Variants in TTC28 observed in about 807,000 individuals in gnomAD.
TTC28 encodes tetratricopeptide repeat domain 28.
Under a neutral mutation model 198.0 loss-of-function variants are expected in TTC28, and 61 were observed. That is an observed-to-expected ratio of 0.31 (90% confidence interval 0.25 to 0.38). The LOEUF (loss-of-function observed/expected upper bound fraction) is 0.38. TTC28 is among the 10% of genes least tolerant of loss of function. The probability of loss-of-function intolerance (pLI) is 1.00; values close to 1 mark genes in which losing one functional copy is unlikely to be tolerated. For missense variants in TTC28, 2,678 were observed against 3,164.0 expected, an observed-to-expected ratio of 0.85 and a Z score of 3.69; for synonymous variants, 1,171 against 1,297.8, an observed-to-expected ratio of 0.90 and a Z score of 2.10.
chr22:28,007,543 C>T (rs1569080321), intron 14 of TTC28: 1 of 152,188 alleles, frequency 6.6e-6, no homozygotes, highest in Admixed American at 6.5e-5. Context: ...CAACTTCAGC[C>T]AAATCAGCTT....
chr22:28,196,527 G>A (rs532052837), intron 5 of TTC28, among the ~76,000 whole-genome samples: 26 of 152,158 alleles, frequency 1.7e-4, no homozygotes, highest in African/African-American at 5.8e-4. Context: ...GAAAATTTTT[G>A]CAATCTACTC....
intron 5 of TTC28, among the ~76,000 whole-genome samples, chr22:28,274,991 AAAAAAAAAAGAG>A (rs1410293089): frequency 6.6e-6 from 1 of 150,830 alleles, no homozygotes; most frequent in African/African-American, 2.4e-5. Flanking sequence ...AAAAAAAAAA[AAAAAAAAAAGAG>A]AGAGAGAGAG....
At chr22:28,082,963 T>G (rs1423862658) in intron 12 of TTC28, among the ~76,000 whole-genome samples, 1 of 152,174 alleles carries the variant, frequency 6.6e-6, no homozygotes, top group Non-Finnish European at 1.5e-5. Context: ...TCTTCATGAT[T>G]CAGTCTTGGT....
At chr22:28,413,476 G>T (rs1157491023) in intron 2 of TTC28, among the ~76,000 whole-genome samples, 3 of 151,872 alleles carry the variant, frequency 2.0e-5, no homozygotes, top group African/African-American at 7.3e-5. Context: ...AATGTCAACT[G>T]TATTTTATTT....
chr22:28,019,929 C>A (rs1938524199), intron 13 of TTC28, among the ~76,000 whole-genome samples: 1 of 152,236 alleles, frequency 6.6e-6, no homozygotes, highest in Non-Finnish European at 1.5e-5. Flanking sequence ...ACACATGCAC[C>A]CCTCTGCCGG....
rs76468648 is a variant in TTC28, at chr22:28,655,859, GAA to G, written c.102+23761_102+23762del. 1.3e-4 allele frequency among the ~76,000 whole-genome samples: 15 copies of G among 114,984 alleles called. No individual in the cohort carries two copies. In the East Asian group the frequency reaches 1.5e-3, roughly 11 times the overall value. The allele number at this position is 114,984 out of a possible 152,430, so 75.4% of individuals were successfully genotyped here. On this transcript the variant is annotated intron_variant, in intron 1 of 22. Coordinates refer to ENST00000397906, the MANE Select transcript of TTC28 (RefSeq NM_001145418.2). ...GAGCAAGACTCCGTCTCAAAAAAAA[GAA>G]AAAAAAAAAAAAACTTCCCCCACCC...
intron 2 of TTC28, among the ~76,000 whole-genome samples, chr22:28,320,079 T>C (rs961973901): frequency 3.3e-5 from 5 of 152,172 alleles, no homozygotes; most frequent in African/African-American, 9.6e-5. Flanking sequence ...CCATTCTCTC[T>C]GCTACTACTA....
intron 5 of TTC28, among the ~76,000 whole-genome samples, chr22:28,173,114 C>T (rs1922839357): frequency 6.6e-6 from 1 of 152,146 alleles, no homozygotes; most frequent in African/African-American, 2.4e-5. Flanking sequence ...ATCATTATGA[C>T]CAAACACCTA....
At chr22:28,123,053 C>T (rs1026723494) in intron 6 of TTC28, among the ~76,000 whole-genome samples, 3 of 152,136 alleles carry the variant, frequency 2.0e-5, no homozygotes, top group Admixed American at 6.5e-5. Context: ...GAAGGGCAGC[C>T]AACGGGAAGA....
intron 5 of TTC28, among the ~76,000 whole-genome samples, chr22:28,165,652 C>G (rs1440655227): frequency 5.9e-5 from 9 of 152,168 alleles, no homozygotes; most frequent in Non-Finnish European, 1.3e-4. Flanking sequence ...ACCACCAGGC[C>G]TGCCCTAAAA....
chr22:28,188,210 G>A (rs765835396), intron 5 of TTC28, among the ~76,000 whole-genome samples: 1 of 151,994 alleles, frequency 6.6e-6, no homozygotes, highest in Non-Finnish European at 1.5e-5. Context: ...TGATAAAAAA[G>A]GTTTTAAGGC....
At chr22:28,520,183 A>C (rs1188082200) in intron 2 of TTC28, among the ~76,000 whole-genome samples, 10 of 152,214 alleles carry the variant, frequency 6.6e-5, no homozygotes, top group Admixed American at 6.5e-4. Flanking sequence ...AGAAGACAGA[A>C]GGCAATAGTC....
chr22:28,540,176 GAC>G (rs1477345692), intron 2 of TTC28, among the ~76,000 whole-genome samples: 1 of 152,002 alleles, frequency 6.6e-6, no homozygotes, highest in Non-Finnish European at 1.5e-5. Context: ...TCTATCTCCT[GAC>G]CTCATGATCC....
rs566681451 is a variant in TTC28 at position 28,386,967 on chromosome 22, A to G, written c.382-80324T>C. On this transcript the variant is annotated intron_variant, in intron 2 of 22. Coordinates refer to ENST00000397906, the MANE Select transcript of TTC28 (RefSeq NM_001145418.2). ...ACTAACTTGTCATCTAGCATTAGGT[A>G]TATCACCCAATGCTATCCCTCCCCA... is the stretch of plus-strand genomic sequence containing the variant. Among the ~76,000 whole-genome samples the G allele has an allele frequency of 1.2e-4, 18 of 152,240 alleles. No individual in the cohort carries two copies. In the East Asian group the frequency reaches 3.1e-3, roughly 26 times the overall value.
At chr22:28,661,672 G>A (rs770721129) in intron 1 of TTC28, among the ~76,000 whole-genome samples, 6 of 151,296 alleles carry the variant, frequency 4.0e-5, no homozygotes, top group African/African-American at 1.2e-4. Context: ...GCAGTGGCAC[G>A]ATCTCAGCTC....
intron 12 of TTC28, 47 bp downstream of exon 12, chr22:28,094,033 C>A: frequency 6.8e-7 from 1 of 1,478,920 alleles, no homozygotes; most frequent in Non-Finnish European, 9.0e-7. Flanking sequence ...AAAAATAATA[C>A]CCTGAGATTT....
intron 6 of TTC28, among the ~76,000 whole-genome samples, chr22:28,119,237 C>G (rs1942720474): frequency 6.6e-6 from 1 of 152,212 alleles, no homozygotes; most frequent in Non-Finnish European, 1.5e-5. Context: ...TCATCTATCT[C>G]AGAAGGCTAT....
chr22:28,359,116 C>G (rs888513943), intron 2 of TTC28, among the ~76,000 whole-genome samples: 1 of 152,108 alleles, frequency 6.6e-6, no homozygotes, highest in Non-Finnish European at 1.5e-5. Flanking sequence ...AGGGTAAAAA[C>G]AGTTTGGCAT....
intron 5 of TTC28, among the ~76,000 whole-genome samples, chr22:28,266,720 C>A (rs964067563): frequency 3.3e-5 from 5 of 152,028 alleles, no homozygotes; most frequent in African/African-American, 1.2e-4. Flanking sequence ...GTAAGTAAGC[C>A]CCATGGAACC....
Sources: allele counts gnomAD v4.1 joint callset (sites outside exome capture counted in the v4.1 genomes callset), GRCh38; gene constraint gnomAD v4.1.1; transcripts MANE v1.5; gene names NCBI Gene and HGNC (gene_info 2026-07-23, HGNC 2026-07-21).